Variants in CNTNAP2 observed in about 807,000 individuals in gnomAD.
CNTNAP2 encodes the protein contactin associated protein 2.
In CNTNAP2, 98 loss-of-function variants were observed where a neutral mutation model predicts 155.2. The ratio of observed to expected loss-of-function variants is 0.63; its 90% CI spans 0.54 to 0.75. The LOEUF is 0.75. Ranked by LOEUF, CNTNAP2 falls within the 30% of genes least tolerant of loss-of-function variation. CNTNAP2 has a pLI of 0.00. For missense variants in CNTNAP2, 1,727 were observed against 1,688.1 expected (o/e 1.02, Z -0.40); for synonymous variants, 651 against 631.2 (o/e 1.03, Z -0.47).
chr7:147,706,531 A>C (rs1796319639), intron 13 of CNTNAP2, among the ~76,000 whole-genome samples: 1 of 152,016 alleles, frequency 6.6e-6, no homozygotes, highest in African/African-American at 2.4e-5. Flanking sequence ...AAGTGACTAG[A>C]TGCTTTTCTC....
chr7:147,282,998 A>G (rs867696504), intron 8 of CNTNAP2, among the ~76,000 whole-genome samples: 3 of 151,938 alleles, frequency 2.0e-5, no homozygotes, highest in African/African-American at 2.4e-5. Flanking sequence ...TTATGAAGAC[A>G]TTGTCTACTA....
chr7:146,203,045 C>A (rs1196418162), intron 1 of CNTNAP2, among the ~76,000 whole-genome samples: 1 of 152,188 alleles, frequency 6.6e-6, no homozygotes. Flanking sequence ...TTGTTTTCGT[C>A]TCTATAAAAG....
chr7:147,991,344 C>T (rs767741233), intron 15 of CNTNAP2, among the ~76,000 whole-genome samples: 2 of 107,540 alleles, frequency 1.9e-5, no homozygotes, highest in Non-Finnish European at 3.7e-5. Context: ...TTTAAATTAG[C>T]ATTTCCAAGT....
At chr7:146,425,605 G>A (rs923676319) in intron 1 of CNTNAP2, among the ~76,000 whole-genome samples, 16 of 152,150 alleles carry the variant, frequency 1.1e-4, no homozygotes, top group African/African-American at 2.2e-4. Flanking sequence ...GAGATAGGGC[G>A]CAGAATGTAT....
chr7:147,122,384 A>G (rs547289165), intron 6 of CNTNAP2: 1 of 152,316 alleles, frequency 6.6e-6, no homozygotes, highest in Non-Finnish European at 1.5e-5. Flanking sequence ...TTAGGTCCAA[A>G]CAACCTAAAA....
At chr7:147,429,832 T>C (rs538094586) in intron 10 of CNTNAP2, among the ~76,000 whole-genome samples, 1 of 152,274 alleles carries the variant, frequency 6.6e-6, no homozygotes, top group South Asian at 2.1e-4. Flanking sequence ...CTCCCCACTT[T>C]ATGTTTTTGT....
chr7:146,923,632 T>C (rs1425292754), intron 3 of CNTNAP2, among the ~76,000 whole-genome samples: 1 of 152,190 alleles, frequency 6.6e-6, no homozygotes. Context: ...TTTACCTGCT[T>C]CCAACAGTAT....
At chr7:147,362,886 TA>T (rs1006041341) in intron 9 of CNTNAP2, among the ~76,000 whole-genome samples, 19 of 152,050 alleles carry the variant, frequency 1.2e-4, no homozygotes, top group South Asian at 4.2e-4. Context: ...CAGAAGTTAA[TA>T]AAAAAAATTA....
At chr7:146,944,997 CT>C (rs1355888873) in intron 3 of CNTNAP2, among the ~76,000 whole-genome samples, 3 of 152,082 alleles carry the variant, frequency 2.0e-5, no homozygotes, top group African/African-American at 7.2e-5. Context: ...GTTGGCATTT[CT>C]TTTTATATTT....
At chr7:148,147,952 G>C (rs1563214868) in intron 17 of CNTNAP2, among the ~76,000 whole-genome samples, 1 of 152,076 alleles carries the variant, frequency 6.6e-6, no homozygotes, top group Non-Finnish European at 1.5e-5. Flanking sequence ...AAATCAGAGT[G>C]CAGGCTGAGA....
chr7:146,204,881 A>C (rs533299979), intron 1 of CNTNAP2, among the ~76,000 whole-genome samples: 27 of 152,116 alleles, frequency 1.8e-4, no homozygotes, highest in African/African-American at 6.3e-4. Context: ...CATATTTTCA[A>C]ATTGAAGCCA....
intron 16 of CNTNAP2, among the ~76,000 whole-genome samples, chr7:148,141,154 T>A (rs549026816): frequency 6.6e-6 from 1 of 152,338 alleles, no homozygotes; most frequent in African/African-American, 2.4e-5. Flanking sequence ...CTTTAGCAGT[T>A]TTTTATGTAG....
intron 1 of CNTNAP2, among the ~76,000 whole-genome samples, chr7:146,602,355 G>A (rs1433600707): frequency 2.6e-5 from 4 of 152,148 alleles, no homozygotes; most frequent in Non-Finnish European, 5.9e-5. Context: ...AATTTATTAG[G>A]TGATCAACAG....
intron 22 of CNTNAP2, chr7:148,389,972 C>T (rs989952347): frequency 6.6e-6 from 1 of 152,230 alleles, no homozygotes; most frequent in Admixed American, 6.5e-5. Flanking sequence ...TGATGTAAAC[C>T]CCCCTCCCCA....
At chr7:147,700,131 G>A (rs767805877) in intron 13 of CNTNAP2, among the ~76,000 whole-genome samples, 1 of 152,068 alleles carries the variant, frequency 6.6e-6, no homozygotes, top group Non-Finnish European at 1.5e-5. Flanking sequence ...CCTAAGTGGG[G>A]CTGAAATTTT....
At chr7:146,506,090 C>A (rs1584955475) in intron 1 of CNTNAP2, among the ~76,000 whole-genome samples, 1 of 152,186 alleles carries the variant, frequency 6.6e-6, no homozygotes, top group East Asian at 1.9e-4. Context: ...CTATCACATT[C>A]AACAGTCAGG....
In CNTNAP2 at chr7:146,397,870, G is replaced by GT. The variant is rs1554428065; in HGVS notation, c.97+280897_97+280898insT. Among the ~76,000 whole-genome samples, 21 of 117,508 alleles carry GT rather than the reference G, an allele frequency of 1.8e-4. 1 individual carries two copies. The highest frequency in any genetic ancestry group is 6.0e-4 in the African/African-American group (13 of 21,658). The allele number at this position is 117,508 out of a possible 152,430, so 77.1% of individuals were successfully genotyped here. On this transcript the variant is annotated intron_variant, in intron 1 of 23. Transcript: ENST00000361727. Reference sequence around the variant, plus strand: ...AATTTTGTATACCAAAATTTGACAGGCTTTTATTTATTTATTTATTTTTGA... The same window carrying GT: ...AATTTTGTATACCAAAATTTGACAGGTCTTTTATTTATTTATTTATTTTTGA...
intron 3 of CNTNAP2, among the ~76,000 whole-genome samples, chr7:146,863,980 A>G (rs535672032): frequency 6.6e-6 from 1 of 152,194 alleles, no homozygotes; most frequent in African/African-American, 2.4e-5. Context: ...TTAAAGGTAT[A>G]GTTGTTTTCT....
intron 15 of CNTNAP2, chr7:148,044,720 T>C (rs936084083): frequency 1.3e-5 from 2 of 152,298 alleles, no homozygotes; most frequent in African/African-American, 4.8e-5. Context: ...AATCTGCTGT[T>C]GTTGTTGTTT....
Sources: gnomAD v4.1 joint callset for allele counts (sites outside exome capture counted in the v4.1 genomes callset) on GRCh38, gnomAD v4.1.1 for gene constraint, MANE v1.5 for transcripts, NCBI Gene and HGNC (gene_info 2026-07-23, HGNC 2026-07-21) for gene names.